Variants in PDE4B observed in about 807,000 individuals in gnomAD.
PDE4B encodes phosphodiesterase 4B, also known as 3',5'-cyclic-AMP phosphodiesterase 4B.
Under a neutral mutation model 82.2 loss-of-function variants are expected in PDE4B, and 20 were observed. The observed-to-expected ratio is 0.24, with a 90% CI of 0.17 to 0.35. The LOEUF is 0.35. PDE4B is among the 10% of genes least tolerant of loss of function. The pLI is 1.00. For synonymous variants in PDE4B, 320 were observed against 318.9 expected (o/e 1.00, Z -0.04); for missense variants, 655 against 907.2 (o/e 0.72, Z 3.57).
chr1:65,836,730 T>C (rs947034532), intron 1 of PDE4B, among the ~76,000 whole-genome samples: 1 of 152,226 alleles, frequency 6.6e-6, no homozygotes, highest in South Asian at 2.1e-4. Context: ...TTTATCTCTG[T>C]CTTTATCATC....
At chr1:66,258,577 G>T (rs6667812) in intron 6 of PDE4B, among the ~76,000 whole-genome samples, 4 of 152,036 alleles carry the variant, frequency 2.6e-5, no homozygotes, top group African/African-American at 9.7e-5. Flanking sequence ...GGAATGAGAG[G>T]ACTGGAGGAG....
intron 1 of PDE4B, among the ~76,000 whole-genome samples, chr1:65,861,075 A>G (rs1299443207): frequency 3.3e-5 from 5 of 151,518 alleles, no homozygotes; most frequent in Admixed American, 1.3e-4. Context: ...GTCAATGTTG[A>G]CTTTTGTTGC....
At chr1:66,321,941 A>G (rs2101892945) in intron 7 of PDE4B, among the ~76,000 whole-genome samples, 1 of 152,344 alleles carries the variant, frequency 6.6e-6, no homozygotes, top group Middle Eastern at 3.4e-3. Context: ...GGCTACAGTA[A>G]CCAAAACAAC....
At chr1:66,120,367 A>G (rs633512) in intron 3 of PDE4B, among the ~76,000 whole-genome samples, 269 of 152,222 alleles carry the variant, frequency 1.8e-3, no homozygotes, top group African/African-American at 6.1e-3. Flanking sequence ...GGGGAATTTA[A>G]TTGAAGTACA....
intron 1 of PDE4B, among the ~76,000 whole-genome samples, chr1:65,910,502 G>A (rs562091615): frequency 2.6e-5 from 4 of 152,184 alleles, no homozygotes; most frequent in Non-Finnish European, 5.9e-5. Context: ...GTCTGTATTA[G>A]TCAGGATCCT....
intron 3 of PDE4B, among the ~76,000 whole-genome samples, chr1:65,954,077 A>G (rs2100578556): frequency 6.6e-6 from 1 of 152,124 alleles, no homozygotes; most frequent in Middle Eastern, 3.4e-3. Flanking sequence ...TTGTATTTTT[A>G]GTAGATACGG....
intron 3 of PDE4B, among the ~76,000 whole-genome samples, chr1:66,238,203 AG>A (rs1652614515): frequency 6.6e-6 from 1 of 152,222 alleles, no homozygotes; most frequent in Non-Finnish European, 1.5e-5. Flanking sequence ...GACTGTTCAA[AG>A]CAAAGCAGAT....
intron 3 of PDE4B, among the ~76,000 whole-genome samples, chr1:65,989,472 C>T (rs1324340534): frequency 2.0e-5 from 3 of 152,030 alleles, no homozygotes; most frequent in African/African-American, 4.8e-5. Flanking sequence ...GCCTGGGTGA[C>T]ACAGCGAGAC....
chr1:65,819,286 A>G (rs1645923028), intron 1 of PDE4B, among the ~76,000 whole-genome samples: 1 of 152,180 alleles, frequency 6.6e-6, no homozygotes, highest in South Asian at 2.1e-4. Context: ...TGTTTTGTCC[A>G]CGATTACATA....
chr1:65,848,246 C>A (rs1646289000), intron 1 of PDE4B, among the ~76,000 whole-genome samples: 1 of 151,870 alleles, frequency 6.6e-6, no homozygotes, highest in African/African-American at 2.4e-5. Context: ...TCAAGCAGTT[C>A]TCCCGCATCA....
chr1:66,059,049 T>A (rs1655452723), intron 3 of PDE4B, among the ~76,000 whole-genome samples: 1 of 152,228 alleles, frequency 6.6e-6, no homozygotes, highest in African/African-American at 2.4e-5. Flanking sequence ...CTTGAATGTT[T>A]CGCTGCTTAG....
chr1:66,050,291 G>T (rs1286108510), intron 3 of PDE4B, among the ~76,000 whole-genome samples: 1 of 152,018 alleles, frequency 6.6e-6, no homozygotes, highest in Non-Finnish European at 1.5e-5. Flanking sequence ...GTGGCCAGTG[G>T]CAGGAAGGAG....
At chr1:65,857,524 G>A (rs1355577374) in intron 1 of PDE4B, among the ~76,000 whole-genome samples, 3 of 152,114 alleles carry the variant, frequency 2.0e-5, no homozygotes, top group Non-Finnish European at 4.4e-5. Flanking sequence ...GATACCTGAT[G>A]CAAAAATAAA....
At chr1:66,251,789 A>G (rs989325062) in intron 4 of PDE4B, among the ~76,000 whole-genome samples, 2 of 152,124 alleles carry the variant, frequency 1.3e-5, no homozygotes, top group Admixed American at 6.6e-5. Flanking sequence ...GATCCAGAGG[A>G]TATGAGAGGA....
intron 3 of PDE4B, among the ~76,000 whole-genome samples, chr1:66,128,475 C>T (rs1157661516): frequency 2.0e-5 from 3 of 152,272 alleles, no homozygotes; most frequent in East Asian, 3.9e-4. Flanking sequence ...GCATTTATAT[C>T]GGAGTCTAAA....
At chr1:66,227,333 T>G (rs1169664501) in intron 3 of PDE4B, among the ~76,000 whole-genome samples, 3 of 152,230 alleles carry the variant, frequency 2.0e-5, no homozygotes, top group Non-Finnish European at 4.4e-5. Flanking sequence ...CAGTTTTTGA[T>G]GCTTAACAGC....
At chr1:66,251,917 T>C (rs1188269390) in intron 4 of PDE4B, among the ~76,000 whole-genome samples, 2 of 152,086 alleles carry the variant, frequency 1.3e-5, no homozygotes, top group Non-Finnish European at 2.9e-5. Flanking sequence ...GATAAACATA[T>C]AATGCAACAT....
chr1:65,844,550 G>T (rs1646247273), intron 1 of PDE4B, among the ~76,000 whole-genome samples: 2 of 152,002 alleles, frequency 1.3e-5, no homozygotes, highest in Admixed American at 1.3e-4. Flanking sequence ...TTTTGTGTTG[G>T]ATTTGAAATT....
At chr1:66,347,183 C>T (rs1661460493) in intron 8 of PDE4B, among the ~76,000 whole-genome samples, 1 of 152,182 alleles carries the variant, frequency 6.6e-6, no homozygotes, top group Non-Finnish European at 1.5e-5. Flanking sequence ...CTTCCGTGAA[C>T]CTAACAAACC....
Sources: allele counts gnomAD v4.1 joint callset (sites outside exome capture counted in the v4.1 genomes callset), GRCh38; gene constraint gnomAD v4.1.1; transcripts MANE v1.5; gene names NCBI Gene and HGNC (gene_info 2026-07-23, HGNC 2026-07-21).